Variants in NALF1 observed in about 807,000 individuals in gnomAD.
NALF1 encodes the protein family with sequence similarity 155 member A.
A neutral mutation model predicts 48.4 loss-of-function variants in NALF1; 3 were observed. The ratio of observed to expected loss-of-function variants is 0.06; its 90% CI spans 0.03 to 0.16. The LOEUF (loss-of-function observed/expected upper bound fraction) is 0.16, where lower values mean the gene tolerates loss of function less well. Among genes scored for constraint, NALF1 ranks in the 10% least tolerant of loss-of-function variants. NALF1 has a pLI of 1.00. For synonymous variants in NALF1, 262 were observed against 245.7 expected, an observed-to-expected ratio of 1.07 and a Z score of -0.62; for missense variants, 526 against 571.5, an observed-to-expected ratio of 0.92 and a Z score of 0.81.
intron 1 of NALF1, among the ~76,000 whole-genome samples, chr13:107,212,045 A>T (rs1414409943): frequency 6.6e-6 from 1 of 152,208 alleles, no homozygotes; most frequent in Non-Finnish European, 1.5e-5. Flanking sequence ...TTTAATCTGA[A>T]AACTACTTTT....
chr13:107,315,698 A>T (rs754215222), intron 1 of NALF1, among the ~76,000 whole-genome samples: 1 of 151,806 alleles, frequency 6.6e-6, no homozygotes, highest in Non-Finnish European at 1.5e-5. Context: ...ACATTTTTGC[A>T]GTTATTTTCT....
chr13:107,831,494 T>G (rs1310469802), intron 1 of NALF1, among the ~76,000 whole-genome samples: 1 of 151,982 alleles, frequency 6.6e-6, no homozygotes, highest in Non-Finnish European at 1.5e-5. Context: ...TGGTTTGGCT[T>G]AGGTCAAAGT....
chr13:107,699,977 A>G (rs1469487244), intron 1 of NALF1, among the ~76,000 whole-genome samples: 4 of 152,080 alleles, frequency 2.6e-5, no homozygotes, highest in Non-Finnish European at 5.9e-5. Context: ...CACACTGAAA[A>G]CTATAAAATA....
At chr13:107,694,192 G>A (rs1355411722) in intron 1 of NALF1, among the ~76,000 whole-genome samples, 3 of 152,186 alleles carry the variant, frequency 2.0e-5, no homozygotes, top group South Asian at 2.1e-4. Flanking sequence ...AGGAGACGCC[G>A]TTTCAAATCC....
At chr13:107,511,437 T>C (rs941154029) in intron 1 of NALF1, among the ~76,000 whole-genome samples, 3 of 152,104 alleles carry the variant, frequency 2.0e-5, no homozygotes, top group Non-Finnish European at 4.4e-5. Flanking sequence ...AGAAAACATA[T>C]GCAAATGTGC....
At chr13:107,219,364 G>C (rs16969868) in intron 1 of NALF1, among the ~76,000 whole-genome samples, 5,903 of 152,224 alleles carry the variant, frequency 0.039, 161 homozygotes, top group East Asian at 0.083. Flanking sequence ...TCTCTAAAAA[G>C]GCAGCAAGTG....
intron 1 of NALF1, among the ~76,000 whole-genome samples, chr13:107,487,381 A>T (rs924794122): frequency 2.6e-5 from 4 of 152,192 alleles, no homozygotes; most frequent in African/African-American, 9.6e-5. Context: ...TTGATAAGGT[A>T]CTTACAAATA....
At position 107,163,655 on chromosome 13, in the gene NALF1, T is replaced by G. The variant is rs1878602602; in HGVS notation, c.*6842A>C. On this transcript the variant is annotated 3_prime_UTR_variant, in exon 3 of 3. Transcript: ENST00000375915. ...CTTAGTCTCTCATAATTAACTGGTT[T>G]TAGTACTTTTATTCCGTGTTCATAT... 6.6e-6 allele frequency: 1 copy of G among 152,222 alleles called. No individual in the cohort carries two copies. Among genetic ancestry groups the G allele is most frequent in the Non-Finnish European group, 1.5e-5 (1 of 68,040 alleles). 9.4% of individuals were successfully genotyped at this position (152,222 alleles called of 1,614,324 possible).
At chr13:107,451,985 A>AT (rs1220687543) in intron 1 of NALF1, among the ~76,000 whole-genome samples, 1 of 151,744 alleles carries the variant, frequency 6.6e-6, no homozygotes, top group Non-Finnish European at 1.5e-5. Context: ...TTTCATACTG[A>AT]TTTTTTTTCT....
intron 1 of NALF1, among the ~76,000 whole-genome samples, chr13:107,325,789 C>G (rs2138918209): frequency 7.0e-6 from 1 of 142,742 alleles, no homozygotes; most frequent in African/African-American, 2.6e-5. Flanking sequence ...TGTAGTGAAG[C>G]AAGAGTGTGC....
intron 1 of NALF1, among the ~76,000 whole-genome samples, chr13:107,819,683 T>TTCTCTCTCTCTCTCTCTCTCTCTC (rs35254661): frequency 1.5e-5 from 2 of 136,550 alleles, no homozygotes; most frequent in East Asian, 2.3e-4. Flanking sequence ...CAGCTGGAAA[T>TTCTCTCTCTCTCTCTCTCTCTCTC]TCTCTCTCTC....
chr13:107,813,918 T>C (rs1054128397), intron 1 of NALF1, among the ~76,000 whole-genome samples: 2 of 152,156 alleles, frequency 1.3e-5, no homozygotes, highest in South Asian at 4.1e-4. Context: ...ACTATTCTAG[T>C]TGGATTTTAG....
intron 1 of NALF1, among the ~76,000 whole-genome samples, chr13:107,644,421 TAAAA>T (rs796795415): frequency 7.2e-6 from 1 of 139,782 alleles, no homozygotes; most frequent in Non-Finnish European, 1.6e-5. Context: ...AAACTCAGGT[TAAAA>T]AAAAAAAAAA....
At chr13:107,399,500 A>G (rs570305067) in intron 1 of NALF1, among the ~76,000 whole-genome samples, 1 of 152,154 alleles carries the variant, frequency 6.6e-6, no homozygotes, top group South Asian at 2.1e-4. Context: ...CCAGTTAATG[A>G]AAGAGAGAGG....
intron 1 of NALF1, among the ~76,000 whole-genome samples, chr13:107,666,999 C>T (rs540256917): frequency 7.2e-5 from 11 of 152,182 alleles, no homozygotes; most frequent in African/African-American, 2.6e-4. Context: ...TAGCTTTTTA[C>T]ATAATATGCA....
chr13:107,418,418 A>C (rs1884129986), intron 1 of NALF1, among the ~76,000 whole-genome samples: 1 of 151,784 alleles, frequency 6.6e-6, no homozygotes, highest in African/African-American at 2.4e-5. Context: ...GCTTGGGTTC[A>C]CTCTTTTTCT....
chr13:107,813,883 T>TTGTTATTGC (rs1219646483), intron 1 of NALF1, among the ~76,000 whole-genome samples: 2 of 152,136 alleles, frequency 1.3e-5, no homozygotes, highest in African/African-American at 4.8e-5. Context: ...TAAATTGCTG[T>TTGTTATTGC]TGTTATTGTT....
chr13:107,496,937 T>C (rs1038059232), intron 1 of NALF1, among the ~76,000 whole-genome samples: 3 of 152,124 alleles, frequency 2.0e-5, no homozygotes, highest in African/African-American at 4.8e-5. Flanking sequence ...TTCCACAACA[T>C]GTAAGAATTC....
At chr13:107,743,126 T>G (rs986483817) in intron 1 of NALF1, among the ~76,000 whole-genome samples, 1 of 152,182 alleles carries the variant, frequency 6.6e-6, no homozygotes, top group African/African-American at 2.4e-5. Flanking sequence ...GAATTTAGCA[T>G]GTCGATATCC....
Sources: allele counts gnomAD v4.1 joint callset (sites outside exome capture counted in the v4.1 genomes callset), GRCh38; gene constraint gnomAD v4.1.1; transcripts MANE v1.5; gene names NCBI Gene and HGNC (gene_info 2026-07-23, HGNC 2026-07-21).